The following MICAL3 variants were observed in gnomAD, a reference collection of about 807,000 sequenced individuals.
MICAL3 encodes the protein [F-actin]-monooxygenase MICAL3.
Under a neutral mutation model 207.4 loss-of-function variants are expected in MICAL3, and 62 were observed. The ratio of observed to expected loss-of-function variants is 0.30; its 90% CI spans 0.24 to 0.37. The LOEUF is 0.37. Among genes scored for constraint, MICAL3 ranks in the 10% least tolerant of loss-of-function variants. The probability of loss-of-function intolerance (pLI) is 1.00; values close to 1 mark genes in which losing one functional copy is unlikely to be tolerated. For missense variants in MICAL3, 2,368 were observed against 2,635.6 expected (o/e 0.90, Z 2.22); for synonymous variants, 1,077 against 1,069.3 (o/e 1.01, Z -0.14).
In MICAL3 at chr22:17,831,914, C is replaced by T; in HGVS notation, c.2995G>A (p.Glu999Lys). 1 of 1,516,342 alleles carries T rather than the reference C, an allele frequency of 6.6e-7. No homozygotes were observed. The highest frequency in any genetic ancestry group is 8.9e-7 in the Non-Finnish European group (1 of 1,118,026). 93.9% of individuals were successfully genotyped at this position (1,516,342 alleles called of 1,614,324 possible). A position where few individuals can be genotyped will look rare whatever the true frequency, so the allele number is the denominator to read the frequency against. ...TCCTCCTCCTCCTCTTCATATTCTT[C>T]CTCCTCCTCCTCCTCCTCTTCATTC... ...PGNEEEEEEEEEYEEEEEEDY... is the reference protein window; with the variant it reads ...PGNEEEEEEEKEYEEEEEEDY... Residue 999 changes from glutamate to lysine, a missense_variant, in exon 21 of 32, where the codon GAA becomes AAA. Glu to Lys is a moderately conservative substitution (Grantham distance 56). Transcript: ENST00000441493.
At chr22:17,856,608 C>CT (rs57588188) in intron 19 of MICAL3, among the ~76,000 whole-genome samples, 36,943 of 94,514 alleles carry the variant, frequency 0.39, 7,630 homozygotes, top group South Asian at 0.53. Context: ...AAAATGTTTA[C>CT]TTTTTTTTTT....
At chr22:17,889,267 T>C (rs766902581) in intron 12 of MICAL3, 37 bp from the exon 13 acceptor site, 27 of 1,487,454 alleles carry the variant, frequency 1.8e-5, no homozygotes, top group Admixed American at 1.7e-4. Context: ...TCAAGATAGG[T>C]TGACAGTCCT....
intron 7 of MICAL3, among the ~76,000 whole-genome samples, chr22:17,898,203 G>A (rs572695373): frequency 2.8e-4 from 42 of 152,116 alleles, no homozygotes; most frequent in African/African-American, 9.2e-4. Context: ...TTCTGCCTGC[G>A]TGGCAGATTT....
At chr22:17,887,274 C>T in intron 14 of MICAL3, 42 bp from the exon 15 acceptor site, 1 of 1,609,338 alleles carries the variant, frequency 6.2e-7, no homozygotes, top group South Asian at 1.1e-5. Context: ...TCTAGCCATA[C>T]ATACCTTGCC....
intron 1 of MICAL3, among the ~76,000 whole-genome samples, chr22:17,921,349 C>T (rs527250217): frequency 4.6e-5 from 7 of 152,328 alleles, no homozygotes; most frequent in East Asian, 3.9e-4. Context: ...AAATCATCTT[C>T]GGAGAAAGGC....
chr22:17,895,232 T>C, intron 10 of MICAL3, 52 bp downstream of exon 10: 1 of 1,594,566 alleles, frequency 6.3e-7, no homozygotes, highest in Non-Finnish European at 8.6e-7. Flanking sequence ...ATCAGAATTC[T>C]CATTGGTCCT....
chr22:17,972,478 G>A lies in MICAL3; in HGVS notation c.-75+51803C>T, dbSNP rs1374945113. Among the ~76,000 whole-genome samples, 3 of 152,176 alleles carry A rather than the reference G, an allele frequency of 2.0e-5. No homozygotes were observed. The East Asian group carries it at 5.8e-4, about 29-fold the overall frequency. On this transcript the variant is annotated intron_variant, in intron 1 of 31. Transcript: ENST00000441493. ...CAGGTGAACGGACGTACGGGAGTAG[G>A]GACAGCAAGGCACATCGGGGAGGGG...
chr22:17,987,497 G>A (rs77126952), intron 1 of MICAL3, among the ~76,000 whole-genome samples: 2,195 of 152,312 alleles, frequency 0.014, 45 homozygotes, highest in African/African-American at 0.047. Context: ...CCACTGCTGG[G>A]CCTTCTGCCC....
chr22:17,987,372 T>C (rs748460649), intron 1 of MICAL3, among the ~76,000 whole-genome samples: 1 of 152,238 alleles, frequency 6.6e-6, no homozygotes, highest in South Asian at 2.1e-4. Context: ...GCCTTCCTCC[T>C]GGAGGCAGCA....
intron 1 of MICAL3, among the ~76,000 whole-genome samples, chr22:17,965,245 G>A (rs1602306660): frequency 2.6e-5 from 4 of 151,390 alleles, no homozygotes; most frequent in Admixed American, 1.3e-4. Context: ...CTGTGCTTGC[G>A]AGAGTCCTTC....
At chr22:17,944,879 G>A (rs761619594) in intron 1 of MICAL3, among the ~76,000 whole-genome samples, 3 of 152,068 alleles carry the variant, frequency 2.0e-5, no homozygotes, top group Non-Finnish European at 2.9e-5. Flanking sequence ...CACAGTTCCT[G>A]GGGACCGCTG....
rs756290033 is a variant in MICAL3, at chr22:17,841,896, T to C, written c.2727A>G (p.Val909=). The C allele has an allele frequency of 2.5e-6, 4 of 1,585,558 alleles. No homozygotes were observed. The highest frequency in any genetic ancestry group is 3.4e-6 in the Non-Finnish European group (4 of 1,167,804). Reference sequence around the variant, plus strand: ...TGTGCTCGGCCTGAGTCTCCTCCGGTACCTCCTGCAGTGCCTCAGCCTGCC... The same window carrying C: ...TGTGCTCGGCCTGAGTCTCCTCCGGCACCTCCTGCAGTGCCTCAGCCTGCC... ...SLRQAEALQE[V]PEETQAEHNL... Residue 909 remains valine, a synonymous_variant, in exon 20 of 32, where the codon GTA becomes GTG. Coordinates refer to ENST00000441493, the MANE Select transcript of MICAL3 (RefSeq NM_015241.3). The surrounding 1 kb of genome is among the most constrained non-coding windows in gnomAD (Gnocchi z 4.2).
In MICAL3 at chr22:17,936,384, T is replaced by C. The variant is rs144864970; in HGVS notation, c.-74-29498A>G. Among the ~76,000 whole-genome samples the C allele has an allele frequency of 4.0e-3, 605 of 151,936 alleles. 3 individuals carry two copies. The highest frequency in any genetic ancestry group is 0.014 in the African/African-American group (568 of 41,400). On this transcript the variant is annotated intron_variant, in intron 1 of 31. Transcript: ENST00000441493. ...GGTGGGAACTGAACAATGAGACCAC[T>C]TGGACACAGGGCGGGGAACACCACA...
Position 17,896,230 on chromosome 22 carries a change from G to C in MICAL3, c.1322+16C>G, listed in dbSNP as rs145309298. ...CAGTTTTCTCATGAAAGGAACCCCG[G>C]GTTACTTCCCATTACCTCTCTGCCA... On this transcript the variant is annotated intron_variant, in intron 9 of 31. Transcript: ENST00000441493. 3,347 of 1,478,228 alleles carry C rather than the reference G, an allele frequency of 2.3e-3. 14 individuals are homozygous for C. The highest frequency in any genetic ancestry group is 2.8e-3 in the Non-Finnish European group (3,060 of 1,080,014). The allele number at this position is 1,478,228 out of a possible 1,614,324, so 91.6% of individuals were successfully genotyped here. A position where few individuals can be genotyped will look rare whatever the true frequency, so the allele number is the denominator to read the frequency against.
intron 16 of MICAL3, chr22:17,876,748 G>GGGAGGTTAGGGAGGTTAT (rs1928424651): frequency 6.8e-6 from 1 of 147,204 alleles, no homozygotes; most frequent in African/African-American, 2.6e-5. Context: ...ATGGAGGTTA[G>GGGAGGTTAGGGAGGTTAT]GGAGGTTAAG....
rs151073968 is a variant in MICAL3, at chr22:17,871,871, C to G, written c.2394G>C (p.Leu798=). The stretch of plus-strand genomic sequence containing the variant: ...TGTCGTAGGCGTAGGCCGAGAGGCG[C>G]AGGGTGGTGGCGCAGTACTCGCACT... ...CFKCEYCATT[L]RLSAYAYDIE... Residue 798 remains leucine, a synonymous_variant, in exon 17 of 32, where the codon CTG becomes CTC. Coordinates refer to ENST00000441493, the MANE Select transcript of MICAL3 (RefSeq NM_015241.3). 1 of 1,610,880 alleles carries G rather than the reference C, an allele frequency of 6.2e-7. No homozygotes were observed. Among genetic ancestry groups the G allele is most frequent in the Non-Finnish European group, 8.5e-7 (1 of 1,178,736 alleles).
intron 5 of MICAL3, 25 bp from the exon 6 acceptor site, chr22:17,901,022 G>T: frequency 6.2e-7 from 1 of 1,612,226 alleles, no homozygotes; most frequent in Non-Finnish European, 8.5e-7. Context: ...ATTTTCAGAG[G>T]TGATAATCAT....
chr22:18,012,213 C>T (rs1448373253), intron 1 of MICAL3, among the ~76,000 whole-genome samples: 3 of 152,150 alleles, frequency 2.0e-5, no homozygotes, highest in African/African-American at 4.8e-5. Context: ...CAATCCTGGG[C>T]GACAAAGCAA....
chr22:17,994,749 A>G (rs1247568839), intron 1 of MICAL3, among the ~76,000 whole-genome samples: 1 of 151,904 alleles, frequency 6.6e-6, no homozygotes, highest in Non-Finnish European at 1.5e-5. Context: ...AAAAAGAAGC[A>G]TGGGCAGGAG....
Sources: allele counts gnomAD v4.1 joint callset (sites outside exome capture counted in the v4.1 genomes callset), GRCh38; gene constraint gnomAD v4.1.1; non-coding constraint Gnocchi (gnomAD v3.1); transcripts MANE v1.5; gene names NCBI Gene and HGNC (gene_info 2026-07-23, HGNC 2026-07-21).